PCDHA4: variants seen among roughly 807,000 people sequenced by gnomAD.
The protein encoded by PCDHA4 is protocadherin alpha-4.
A neutral mutation model predicts 61.4 loss-of-function variants in PCDHA4; 49 were observed. The ratio of observed to expected loss-of-function variants is 0.80; its 90% CI spans 0.63 to 1.01. The LOEUF (loss-of-function observed/expected upper bound fraction) is 1.01, where lower values mean the gene tolerates loss of function less well. Among genes scored for constraint, PCDHA4 ranks in the 50% least tolerant of loss-of-function variants. PCDHA4 has a pLI of 0.00. For missense variants in PCDHA4, 1,254 were observed against 1,235.8 expected, an observed-to-expected ratio of 1.01 and a Z score of -0.22; for synonymous variants, 590 against 550.3, an observed-to-expected ratio of 1.07 and a Z score of -1.01.
At position 140,926,799 on chromosome 5, in the gene PCDHA4, T is replaced by G. The variant is rs561004739; in HGVS notation, c.2386-52150T>G. Reference sequence around the variant, plus strand: ...AGTGACGGCCGGCAGGAGCGTGCTCTTCCCCGCGGCTCGTGCTCTCCAGGA... The same window carrying G: ...AGTGACGGCCGGCAGGAGCGTGCTCGTCCCCGCGGCTCGTGCTCTCCAGGA... On this transcript the variant is annotated intron_variant, in intron 1 of 3. Transcript: ENST00000530339. The G allele has an allele frequency of 1.6e-4, 230 of 1,456,322 alleles. 2 individuals carry two copies. The African/African-American group carries it at 2.6e-3, about 16-fold the overall frequency. The allele number at this position is 1,456,322 out of a possible 1,614,324, so 90.2% of individuals were successfully genotyped here.
At chr5:140,914,360 T>C (rs782101976) in intron 1 of PCDHA4, among the ~76,000 whole-genome samples, 10 of 152,218 alleles carry the variant, frequency 6.6e-5, no homozygotes, top group Non-Finnish European at 1.5e-4. Context: ...GTTTTTGTCT[T>C]GAGATCTATT....
At chr5:140,979,571 G>A (rs2096856939) in intron 2 of PCDHA4, among the ~76,000 whole-genome samples, 1 of 152,154 alleles carries the variant, frequency 6.6e-6, no homozygotes. Flanking sequence ...GCCATGTAAA[G>A]GGCTCCAAAT....
chr5:140,945,076 C>G (rs2093735426), intron 1 of PCDHA4, among the ~76,000 whole-genome samples: 1 of 152,104 alleles, frequency 6.6e-6, no homozygotes, highest in South Asian at 2.1e-4. Flanking sequence ...TCCACCAAAA[C>G]ACTCTTGGAA....
At chr5:140,823,362 G>A in intron 1 of PCDHA4, 1 of 1,612,752 alleles carries the variant, frequency 6.2e-7, no homozygotes, top group South Asian at 1.1e-5. Flanking sequence ...AAGTGGAGCT[G>A]CTGCAGTTCC....
chr5:140,822,883 C>G, intron 1 of PCDHA4: 4 of 1,614,246 alleles, frequency 2.5e-6, no homozygotes, highest in Non-Finnish European at 3.4e-6. Context: ...GGTCATTGCT[C>G]TGATCAGCGT....
chr5:140,861,926 G>A (rs994509144), intron 1 of PCDHA4: 10 of 153,960 alleles, frequency 6.5e-5, no homozygotes, highest in African/African-American at 2.2e-4. Context: ...GGATGTAAAT[G>A]ATGATGCCCA....
intron 1 of PCDHA4, among the ~76,000 whole-genome samples, chr5:140,915,401 A>G (rs536178543): frequency 1.3e-5 from 2 of 152,300 alleles, no homozygotes; most frequent in African/African-American, 4.8e-5. Flanking sequence ...TATTTCTTAT[A>G]GTCTTTGCAG....
chr5:140,902,191 C>G (rs1218204978), intron 1 of PCDHA4, among the ~76,000 whole-genome samples: 1 of 147,360 alleles, frequency 6.8e-6, no homozygotes, highest in Non-Finnish European at 1.5e-5. Context: ...TGTCTTCTCT[C>G]TCTCTCTCTT....
rs181275532 is a variant in PCDHA4, at chr5:140,900,911, A to G, written c.2386-78038A>G. Among the ~76,000 whole-genome samples the G allele has an allele frequency of 2.3e-4, 35 of 152,252 alleles. 1 individual carries two copies. Among genetic ancestry groups the G allele is most frequent in the Admixed American group, 6.5e-4 (10 of 15,284 alleles). ...GGATAAAAGCCATTTTAACTGTGGTAAGATGATATCTCATTGTAGTTTTGA... is the reference window on the plus strand; with the variant it reads ...GGATAAAAGCCATTTTAACTGTGGTGAGATGATATCTCATTGTAGTTTTGA... On this transcript the variant is annotated intron_variant, in intron 1 of 3. Coordinates refer to ENST00000530339, the MANE Select transcript of PCDHA4 (RefSeq NM_018907.4).
chr5:140,822,222 G>A (rs2150114654), intron 1 of PCDHA4: 1 of 1,614,212 alleles, frequency 6.2e-7, no homozygotes, highest in Non-Finnish European at 8.5e-7. Flanking sequence ...TGCCAGATTC[G>A]CGGTTTCCGC....
intron 1 of PCDHA4, chr5:140,865,841 T>C (rs1371165787): frequency 1.3e-5 from 2 of 152,176 alleles, no homozygotes; most frequent in African/African-American, 4.8e-5. Flanking sequence ...CTTTAGTAAG[T>C]CATTTCTCTG....
chr5:140,950,671 A>G (rs1222424193), intron 1 of PCDHA4, among the ~76,000 whole-genome samples: 2 of 152,074 alleles, frequency 1.3e-5, no homozygotes, highest in Non-Finnish European at 2.9e-5. Context: ...TCAAACATGT[A>G]CATGTATATT....
chr5:140,979,186 C>T, intron 2 of PCDHA4, 179 bp downstream of exon 2: 2 of 914,118 alleles, frequency 2.2e-6, no homozygotes, highest in Non-Finnish European at 2.6e-6. Context: ...ATGGTCAGTG[C>T]CAGATGCTTA....
rs782072957 is a variant in PCDHA4, at chr5:140,870,352, G to T, written c.2385+60780G>T. On this transcript the variant is annotated intron_variant, in intron 1 of 3. Coordinates refer to ENST00000530339, the MANE Select transcript of PCDHA4 (RefSeq NM_018907.4). ...GGACAGCGCCCTGGACCGCGAGAAC[G>T]TGTGGGCCTATGAACTGGTGGTGAC... 9.9e-6 allele frequency: 16 copies of T among 1,614,226 alleles called. No individual in the cohort carries two copies. The South Asian group carries it at 1.3e-4, about 13-fold the overall frequency.
chr5:140,957,541 A>C (rs2153713960), intron 1 of PCDHA4, among the ~76,000 whole-genome samples: 1 of 152,298 alleles, frequency 6.6e-6, no homozygotes, highest in South Asian at 2.1e-4. Flanking sequence ...GATCTTAGAA[A>C]GTATTCTCTG....
intron 1 of PCDHA4, among the ~76,000 whole-genome samples, chr5:140,893,701 C>A (rs1297465606): frequency 6.6e-6 from 1 of 152,104 alleles, no homozygotes; most frequent in African/African-American, 2.4e-5. Context: ...TCTATCCTAG[C>A]CTGTAAAGCT....
intron 1 of PCDHA4, among the ~76,000 whole-genome samples, chr5:140,875,118 A>T (rs1381092384): frequency 6.6e-6 from 1 of 152,224 alleles, no homozygotes; most frequent in African/African-American, 2.4e-5. Context: ...TATCATGTAT[A>T]TTAACTAAAC....
chr5:140,871,490 G>A (rs1554165680), intron 1 of PCDHA4: 1 of 1,590,548 alleles, frequency 6.3e-7, no homozygotes, highest in Admixed American at 1.8e-5. Context: ...AATCACCCCG[G>A]ACAGGTGAGT....
chr5:140,853,133 C>T (rs1646376725), intron 1 of PCDHA4: 1 of 642,274 alleles, frequency 1.6e-6, no homozygotes, highest in Non-Finnish European at 2.0e-6. Flanking sequence ...CCCGCCTCAG[C>T]CTCCCAAAAT....
Sources: gnomAD v4.1 joint callset for allele counts (sites outside exome capture counted in the v4.1 genomes callset) on GRCh38, gnomAD v4.1.1 for gene constraint, MANE v1.5 for transcripts, NCBI Gene and HGNC (gene_info 2026-07-23, HGNC 2026-07-21) for gene names.